AGBL4: variants seen among roughly 807,000 people sequenced by gnomAD.
AGBL4 encodes the protein cytosolic carboxypeptidase 6.
AGBL4 carries 58 observed loss-of-function variants against 66.4 expected under a neutral mutation model. That is an observed-to-expected ratio of 0.87 (90% CI 0.71 to 1.09). The LOEUF (loss-of-function observed/expected upper bound fraction) is 1.09. AGBL4 is among the 50% of genes least tolerant of loss of function. AGBL4 has a pLI of 0.00. For missense variants in AGBL4, 579 were observed against 631.0 expected (o/e 0.92, Z 0.88); for synonymous variants, 234 against 222.9 (o/e 1.05, Z -0.44).
intron 3 of AGBL4, among the ~76,000 whole-genome samples, chr1:49,570,567 G>T (rs532321622): frequency 5.9e-5 from 9 of 151,870 alleles, no homozygotes; most frequent in Middle Eastern, 3.4e-3. Context: ...TATTTATTTT[G>T]CTGTGCAGAA....
intron 4 of AGBL4, among the ~76,000 whole-genome samples, chr1:49,053,040 T>C (rs544953977): frequency 6.1e-4 from 93 of 152,126 alleles, no homozygotes; most frequent in Non-Finnish European, 7.4e-4. Context: ...AGTTTGGAGA[T>C]TGGTACCTGA....
chr1:49,711,908 GC>G, intron 2 of AGBL4, among the ~76,000 whole-genome samples: 1 of 152,068 alleles, frequency 6.6e-6, no homozygotes, highest in South Asian at 2.1e-4. Context: ...GACAACATGA[GC>G]TGTAAATCTG....
chr1:49,966,853 A>C (rs949152007), intron 1 of AGBL4, among the ~76,000 whole-genome samples: 1 of 152,178 alleles, frequency 6.6e-6, no homozygotes, highest in Non-Finnish European at 1.5e-5. Flanking sequence ...GAGTATAAAC[A>C]ACTTTACGAT....
chr1:49,500,319 T>C (rs1188098175), intron 3 of AGBL4, among the ~76,000 whole-genome samples: 3 of 152,098 alleles, frequency 2.0e-5, no homozygotes, highest in Non-Finnish European at 2.9e-5. Context: ...TCTGCCACTC[T>C]GTGGGTTGTC....
At chr1:49,369,485 G>A (rs1644299805) in intron 3 of AGBL4, among the ~76,000 whole-genome samples, 1 of 152,138 alleles carries the variant, frequency 6.6e-6, no homozygotes, top group South Asian at 2.1e-4. Flanking sequence ...ACCCCTGAAA[G>A]ACAGCAAACA....
At chr1:48,898,710 G>A (rs947067030) in intron 5 of AGBL4, among the ~76,000 whole-genome samples, 1 of 152,014 alleles carries the variant, frequency 6.6e-6, no homozygotes, top group East Asian at 1.9e-4. Flanking sequence ...AGTAAATTTT[G>A]AAGTCTGGTA....
intron 5 of AGBL4, among the ~76,000 whole-genome samples, chr1:48,917,152 A>G (rs1016292263): frequency 1.3e-5 from 2 of 152,064 alleles, no homozygotes; most frequent in Admixed American, 1.3e-4. Context: ...ACCCAGTATA[A>G]TCCAGGACCT....
chr1:49,517,709 C>A (rs2148795499), intron 3 of AGBL4, among the ~76,000 whole-genome samples: 1 of 152,000 alleles, frequency 6.6e-6, no homozygotes, highest in Admixed American at 6.6e-5. Context: ...TCTTTAAGTA[C>A]AAAGTACTTC....
intron 1 of AGBL4, among the ~76,000 whole-genome samples, chr1:49,982,242 G>A (rs74990569): frequency 1.3e-5 from 2 of 152,342 alleles, no homozygotes; most frequent in East Asian, 3.9e-4. Context: ...AGGTGCAGTG[G>A]GGGAGATGTG....
intron 5 of AGBL4, among the ~76,000 whole-genome samples, chr1:48,968,179 A>G (rs1658606007): frequency 6.6e-6 from 1 of 152,126 alleles, no homozygotes; most frequent in Non-Finnish European, 1.5e-5. Context: ...TAGGGATAGT[A>G]TCCTAAGGAA....
intron 2 of AGBL4, among the ~76,000 whole-genome samples, chr1:49,836,304 T>C (rs996533794): frequency 6.6e-6 from 1 of 152,208 alleles, no homozygotes; most frequent in African/African-American, 2.4e-5. Flanking sequence ...AATATTGTCT[T>C]CATGGTTTAT....
intron 1 of AGBL4, among the ~76,000 whole-genome samples, chr1:49,877,473 G>A (rs929270648): frequency 3.6e-4 from 55 of 150,710 alleles, no homozygotes; most frequent in Middle Eastern, 3.5e-3. Context: ...ATTGATTTGC[G>A]TATATTGAAC....
intron 1 of AGBL4, among the ~76,000 whole-genome samples, chr1:49,964,779 T>C (rs987831274): frequency 1.3e-5 from 2 of 152,132 alleles, no homozygotes; most frequent in South Asian, 2.1e-4. Flanking sequence ...AAAAAATGTT[T>C]CTAGAAAAAA....
chr1:48,645,955 G>T, intron 8 of AGBL4, among the ~76,000 whole-genome samples: 1 of 152,140 alleles, frequency 6.6e-6, no homozygotes, highest in Non-Finnish European at 1.5e-5. Context: ...GGGATTGAGT[G>T]GGGAGTGGCG....
At chr1:49,372,389 T>C (rs1644364412) in intron 3 of AGBL4, among the ~76,000 whole-genome samples, 1 of 152,170 alleles carries the variant, frequency 6.6e-6, no homozygotes, top group Non-Finnish European at 1.5e-5. Context: ...ACAAGCTCCT[T>C]AGCAAGCCAT....
intron 9 of AGBL4, among the ~76,000 whole-genome samples, chr1:48,609,443 A>G (rs145331114): frequency 6.7e-4 from 102 of 152,292 alleles, no homozygotes; most frequent in Non-Finnish European, 9.0e-4. Context: ...GTTTTGAGAC[A>G]CATGGTCTCA....
intron 1 of AGBL4, among the ~76,000 whole-genome samples, chr1:49,862,367 CAATG>C (rs1646595503): frequency 7.5e-6 from 1 of 132,712 alleles, no homozygotes; most frequent in Non-Finnish European, 1.6e-5. Flanking sequence ...AAAAAAAAAA[CAATG>C]AAGCATAACT....
chr1:48,696,955 T>C (rs976190466), intron 6 of AGBL4, among the ~76,000 whole-genome samples: 7 of 152,138 alleles, frequency 4.6e-5, no homozygotes, highest in African/African-American at 1.7e-4. Flanking sequence ...TGGGTGTCCC[T>C]CACCTCACTC....
intron 11 of AGBL4, among the ~76,000 whole-genome samples, chr1:48,579,362 G>T (rs1432106877): frequency 6.6e-6 from 1 of 151,780 alleles, no homozygotes; most frequent in Non-Finnish European, 1.5e-5. Context: ...CAAGTAGCTG[G>T]GATTACAGGG....
Sources: gnomAD v4.1 joint callset for allele counts (sites outside exome capture counted in the v4.1 genomes callset) on GRCh38, gnomAD v4.1.1 for gene constraint, MANE v1.5 for transcripts, NCBI Gene and HGNC (gene_info 2026-07-23, HGNC 2026-07-21) for gene names.